The following NSUN2 variants were observed in gnomAD, a reference collection of about 807,000 sequenced individuals.
NSUN2 encodes RNA cytosine C(5)-methyltransferase NSUN2.
A neutral mutation model predicts 92.7 loss-of-function variants in NSUN2; 63 were observed. The observed-to-expected ratio is 0.68, with a 90% confidence interval of 0.56 to 0.84. NSUN2 has a LOEUF of 0.84. Ranked by LOEUF, NSUN2 falls within the 40% of genes least tolerant of loss-of-function variation. The pLI, the probability that NSUN2 is intolerant of heterozygous loss-of-function variation, is 0.00. For missense variants in NSUN2, 989 were observed against 964.9 expected, an observed-to-expected ratio of 1.02 and a Z score of -0.33; for synonymous variants, 356 against 348.3, an observed-to-expected ratio of 1.02 and a Z score of -0.25.
chr5:6,619,756 T>C (rs891195615), intron 7 of NSUN2, among the ~76,000 whole-genome samples: 1 of 152,220 alleles, frequency 6.6e-6, no homozygotes, highest in South Asian at 2.1e-4. Flanking sequence ...TAATACAAAA[T>C]AGTTGGGGTG....
At chr5:6,624,794 T>C (rs1171440050) in intron 4 of NSUN2, among the ~76,000 whole-genome samples, 1 of 136,384 alleles carries the variant, frequency 7.3e-6, no homozygotes, top group Non-Finnish European at 1.6e-5. Flanking sequence ...ACAGATTTAC[T>C]AGAAGGTAGT....
chr5:6,623,044 G>GAAAAAAAAAAA (rs111573762), intron 5 of NSUN2, among the ~76,000 whole-genome samples, 170 bp downstream of exon 5: 2 of 72,974 alleles, frequency 2.7e-5, no homozygotes, highest in East Asian at 5.6e-4. Flanking sequence ...GGACAAAAAA[G>GAAAAAAAAAAA]AAAAAAAAAA....
chr5:6,618,615 CATA>C (rs1408529636), intron 7 of NSUN2, among the ~76,000 whole-genome samples: 1 of 152,090 alleles, frequency 6.6e-6, no homozygotes, highest in Non-Finnish European at 1.5e-5. Flanking sequence ...ATAAATTTTC[CATA>C]GTAATTTCAA....
chr5:6,602,128 G>A (rs955517718), intron 18 of NSUN2, among the ~76,000 whole-genome samples: 5 of 152,126 alleles, frequency 3.3e-5, no homozygotes, highest in Non-Finnish European at 5.9e-5. Context: ...ACAAAAGAAC[G>A]GAACCTCACT....
chr5:6,631,526 A>G (rs1393025785), intron 3 of NSUN2, among the ~76,000 whole-genome samples: 1 of 152,226 alleles, frequency 6.6e-6, no homozygotes, highest in Admixed American at 6.5e-5. Context: ...TGTCAAGCTA[A>G]GTCTGTCCTT....
rs192543727 is a variant in NSUN2 at position 6,621,576 on chromosome 5, G to A, written c.622+440C>T. On this transcript the variant is annotated intron_variant, in intron 6 of 18. Coordinates refer to ENST00000264670, the MANE Select transcript of NSUN2 (RefSeq NM_017755.6). Reference sequence around the variant, plus strand: ...ATCCTGGCTAACATGGTGAAACCCCGTCTCTACTAAAAATACAAAAAATTA... The same window carrying A: ...ATCCTGGCTAACATGGTGAAACCCCATCTCTACTAAAAATACAAAAAATTA... 5.0e-3 allele frequency: 773 copies of A among 153,752 alleles called. 7 individuals carry two copies. The highest frequency in any genetic ancestry group is 0.017 in the African/African-American group (717 of 41,402). 9.5% of individuals were successfully genotyped at this position (153,752 alleles called of 1,614,324 possible).
In NSUN2 at chr5:6,616,744, A is replaced by G. The variant is rs545640450; in HGVS notation, c.1004T>C (p.Leu335Ser). ...GTGCTTACCTTCACTTTTTTCCAGT[A>G]AAGATGCTATGACTGCTTCATCCTC... ...PIEDEAVIAS[L>S]LEKSEGALEL... The change falls in exon 9 of 19, where the codon TTA (leucine) becomes TCA (serine). Residue 335 changes from leucine (L) to serine (S), a missense_variant. Leu to Ser is a moderately radical substitution (Grantham distance 145). This residue lies in a region of NSUN2 where 626 missense variants were observed against 602.3 expected (regional missense o/e 1.04). Coordinates refer to ENST00000264670, the MANE Select transcript of NSUN2 (RefSeq NM_017755.6). 1 of 1,468,388 alleles carries G rather than the reference A, an allele frequency of 6.8e-7. No homozygotes were observed. Among genetic ancestry groups the G allele is most frequent in the Admixed American group, 2.1e-5 (1 of 48,016 alleles). The allele number at this position is 1,468,388 out of a possible 1,614,324, so 91.0% of individuals were successfully genotyped here.
intron 18 of NSUN2, among the ~76,000 whole-genome samples, chr5:6,600,588 C>T (rs970336664): frequency 2.0e-5 from 3 of 152,184 alleles, no homozygotes; most frequent in South Asian, 2.1e-4. Context: ...AAATGAGAAG[C>T]GTTTCTCCAC....
rs1473827401 is a variant in NSUN2, at chr5:6,600,238, A to G, written c.1998-6T>C. ...ACTGCAGAGCGTCTGGATTCCTACAAGTGAAAGTGGCTTCATGTAGAACAT... is the reference window on the plus strand; with the variant it reads ...ACTGCAGAGCGTCTGGATTCCTACAGGTGAAAGTGGCTTCATGTAGAACAT... On this transcript the variant is annotated splice_region_variant and splice_polypyrimidine_tract_variant and intron_variant, in intron 18 of 18. Transcript: ENST00000264670. 6.2e-7 allele frequency: 1 copy of G among 1,609,636 alleles called. No individual in the cohort carries two copies. The highest frequency in any genetic ancestry group is 2.2e-5 in the East Asian group (1 of 44,808).
At chr5:6,603,066 G>T (rs1314185884) in intron 17 of NSUN2, among the ~76,000 whole-genome samples, 1 of 152,164 alleles carries the variant, frequency 6.6e-6, no homozygotes, top group Non-Finnish European at 1.5e-5. Flanking sequence ...ACGCAAGTAA[G>T]AAACGTAACT....
chr5:6,621,944 TAG>T (rs1242781897), intron 6 of NSUN2, 70 bp downstream of exon 6: 9 of 1,305,004 alleles, frequency 6.9e-6, no homozygotes, highest in Non-Finnish European at 1.0e-5. Context: ...CAGGCAAAGT[TAG>T]AGTCTTTTCC....
At chr5:6,621,925 C>G (rs958061319) in intron 6 of NSUN2, 91 bp downstream of exon 6, 95 of 1,119,356 alleles carry the variant, frequency 8.5e-5, no homozygotes, top group Non-Finnish European at 1.1e-4. Flanking sequence ...GACTTTAGAG[C>G]CAAATTAGCA....
At chr5:6,632,827 G>A in intron 1 of NSUN2, 57 bp downstream of exon 1, 7 of 1,562,682 alleles carry the variant, frequency 4.5e-6, no homozygotes, top group Non-Finnish European at 6.1e-6. Flanking sequence ...CGCAGGCCTC[G>A]GGGTCCGGGA....
chr5:6,604,525 G>T, intron 16 of NSUN2, 80 bp downstream of exon 16: 1 of 1,301,526 alleles, frequency 7.7e-7, no homozygotes, highest in Non-Finnish European at 1.1e-6. Flanking sequence ...CAGACCATCT[G>T]GCTGACCAGC....
At position 6,605,236 on chromosome 5, in the gene NSUN2, C is replaced by T. The variant is rs376753610; in HGVS notation, c.1737+37G>A. ...CCGCTGTGAAAAGCCACACGCATCC[C>T]GCATCACACAGCACTCAGCGTCTGT... On this transcript the variant is annotated intron_variant, in intron 15 of 18. Transcript: ENST00000264670. The T allele has an allele frequency of 4.0e-5, 64 of 1,608,806 alleles. No homozygotes were observed. The African/African-American group carries it at 5.4e-4, about 13-fold the overall frequency.
intron 14 of NSUN2, among the ~76,000 whole-genome samples, chr5:6,606,442 C>T (rs1257994672): frequency 6.6e-6 from 1 of 152,162 alleles, no homozygotes; most frequent in African/African-American, 2.4e-5. Flanking sequence ...CGCCACCACG[C>T]CCGGCTAATT....
chr5:6,604,425 C>G (rs975779127), intron 16 of NSUN2, 149 bp from the exon 17 acceptor site: 82 of 926,950 alleles, frequency 8.8e-5, no homozygotes, highest in Non-Finnish European at 9.8e-5. Flanking sequence ...AACCCACCCC[C>G]CCCTAGGAGG....
At chr5:6,623,335 G>A (rs377580493) in intron 4 of NSUN2, 50 bp from the exon 5 acceptor site, 241 of 981,116 alleles carry the variant, frequency 2.5e-4, no homozygotes, top group South Asian at 3.8e-4. Context: ...AAAAAAAACC[G>A]CAGACAATTT....
Position 6,632,917 on chromosome 5 carries a change from A to G in NSUN2, c.63T>C (p.Asp21=). The change falls in exon 1 of 19, where the codon GAT becomes GAC. Residue 21 remains aspartate, a synonymous_variant. Transcript: ENST00000264670. ...QQQQRPEDAE[D]GAEGGGKRGE... Reference sequence around the variant, plus strand: ...CGCGCTTTCCACCACCCTCGGCGCCATCCTCCGCGTCCTCCGGCCGCTGCT... The same window carrying G: ...CGCGCTTTCCACCACCCTCGGCGCCGTCCTCCGCGTCCTCCGGCCGCTGCT... The G allele has an allele frequency of 2.6e-6, 4 of 1,520,308 alleles. No individual in the cohort carries two copies. The highest frequency in any genetic ancestry group is 3.5e-6 in the Non-Finnish European group (4 of 1,140,742). The allele number at this position is 1,520,308 out of a possible 1,614,324, so 94.2% of individuals were successfully genotyped here.
Sources: gnomAD v4.1 joint callset for allele counts (sites outside exome capture counted in the v4.1 genomes callset) on GRCh38, gnomAD v4.1.1 for gene constraint, gnomAD v4.1.1 regional missense constraint, MANE v1.5 for transcripts, NCBI Gene and HGNC (gene_info 2026-07-23, HGNC 2026-07-21) for gene names.